Variants in SYT9 observed in about 807,000 individuals in gnomAD.
SYT9 encodes the protein synaptotagmin-9.
Under a neutral mutation model 48.4 loss-of-function variants are expected in SYT9, and 22 were observed. The ratio of observed to expected loss-of-function variants is 0.45; its 90% CI spans 0.32 to 0.65. The LOEUF is 0.65. Ranked by LOEUF, SYT9 falls within the 30% of genes least tolerant of loss-of-function variation. SYT9 has a pLI of 0.03. For missense variants in SYT9, 577 were observed against 622.0 expected, an observed-to-expected ratio of 0.93 and a Z score of 0.77; for synonymous variants, 265 against 245.0, an observed-to-expected ratio of 1.08 and a Z score of -0.76.
At chr11:7,399,951 A>G (rs1243412877) in intron 3 of SYT9, among the ~76,000 whole-genome samples, 1 of 152,224 alleles carries the variant, frequency 6.6e-6, no homozygotes. Flanking sequence ...GCTGGACTGG[A>G]TGATGACTGC....
chr11:7,371,343 C>CCA (rs777963083), intron 3 of SYT9, among the ~76,000 whole-genome samples: 12 of 151,990 alleles, frequency 7.9e-5, no homozygotes, highest in Non-Finnish European at 1.6e-4. Context: ...TAGACTATCT[C>CCA]CACTTACTCT....
In SYT9 at chr11:7,391,735, T is replaced by TAAAAAAAAAAAAAAAAAAAAAA. The variant is rs71059104; in HGVS notation, c.1045-24298_1045-24277dup. Among the ~76,000 whole-genome samples, 4 of 35,948 alleles carry TAAAAAAAAAAAAAAAAAAAAAA rather than the reference T, an allele frequency of 1.1e-4. 1 individual carries two copies. Among genetic ancestry groups the TAAAAAAAAAAAAAAAAAAAAAA allele is most frequent in the Admixed American group, 4.5e-4 (1 of 2,230 alleles). The allele number at this position is 35,948 out of a possible 152,430, so 23.6% of individuals were successfully genotyped here. On this transcript the variant is annotated intron_variant, in intron 3 of 6. Transcript: ENST00000318881. ...GGACAACATGGTAAAACCCCATCTC[T>TAAAAAAAAAAAAAAAAAAAAAA]AAAAAAAAAAAAAAAAAAAAAAAAA... is the stretch of plus-strand genomic sequence containing the variant.
intron 3 of SYT9, among the ~76,000 whole-genome samples, chr11:7,341,284 A>G (rs1357675829): frequency 6.6e-6 from 1 of 152,164 alleles, no homozygotes; most frequent in East Asian, 1.9e-4. Flanking sequence ...TGTAAGGGCT[A>G]CTGGAAGATG....
chr11:7,441,811 A>C (rs1424551076), intron 6 of SYT9: 1 of 152,120 alleles, frequency 6.6e-6, no homozygotes, highest in Non-Finnish European at 1.5e-5. Context: ...TGAAGCAGTC[A>C]CTGGCAAAAG....
At chr11:7,292,389 A>G (rs560115547) in intron 1 of SYT9, among the ~76,000 whole-genome samples, 3 of 152,232 alleles carry the variant, frequency 2.0e-5, no homozygotes, top group Non-Finnish European at 4.4e-5. Context: ...GACAGGTTTT[A>G]TACAGATGCA....
In SYT9 at chr11:7,383,275, A is replaced by T. The variant is rs147902351; in HGVS notation, c.1045-32767A>T. On this transcript the variant is annotated intron_variant, in intron 3 of 6. Coordinates refer to ENST00000318881, the MANE Select transcript of SYT9 (RefSeq NM_175733.4). The stretch of plus-strand genomic sequence containing the variant: ...TGGTTTCTTGCTGTTGCCTCTCACA[A>T]TGGTTTTTGCTTTAGAAAGAGGCTC... 8.5e-5 allele frequency among the ~76,000 whole-genome samples: 13 copies of T among 152,254 alleles called. 1 individual carries two copies. In the East Asian group the frequency reaches 2.5e-3, roughly 29 times the overall value.
At chr11:7,453,112 C>G (rs1054265231) in intron 6 of SYT9, among the ~76,000 whole-genome samples, 1 of 151,100 alleles carries the variant, frequency 6.6e-6, no homozygotes, top group Non-Finnish European at 1.5e-5. Context: ...AAAATGAGGC[C>G]GGGCACCGTG....
At chr11:7,388,660 A>C (rs7951293) in intron 3 of SYT9, among the ~76,000 whole-genome samples, 65,378 of 151,970 alleles carry the variant, frequency 0.43, 15,020 homozygotes, top group Non-Finnish European at 0.52. Context: ...AAATGTTTTG[A>C]AATTTATTAT....
At chr11:7,335,262 A>G (rs201196349) in intron 3 of SYT9, among the ~76,000 whole-genome samples, 6 of 127,564 alleles carry the variant, frequency 4.7e-5, no homozygotes, top group Admixed American at 7.4e-5. Flanking sequence ...TCTACCATCT[A>G]TTTATCTTTT....
chr11:7,364,485 G>A (rs1189323515), intron 3 of SYT9, among the ~76,000 whole-genome samples: 3 of 152,164 alleles, frequency 2.0e-5, no homozygotes, highest in Non-Finnish European at 2.9e-5. Flanking sequence ...TATAGATAAA[G>A]AAACAAATGT....
intron 3 of SYT9, among the ~76,000 whole-genome samples, chr11:7,350,881 C>A (rs1321840343): frequency 2.0e-5 from 3 of 152,140 alleles, no homozygotes; most frequent in African/African-American, 7.2e-5. Flanking sequence ...ATGTGTAAAA[C>A]AATTATTTAT....
upstream of SYT9, among the ~76,000 whole-genome samples, chr11:7,250,250 T>G (rs1267107143): frequency 6.6e-6 from 1 of 152,226 alleles, no homozygotes; most frequent in Non-Finnish European, 1.5e-5. Flanking sequence ...TGAAATGTTT[T>G]TCAAATTTGG....
chr11:7,446,262 C>T (rs755976912), intron 6 of SYT9, among the ~76,000 whole-genome samples: 3 of 152,206 alleles, frequency 2.0e-5, no homozygotes, highest in Admixed American at 6.5e-5. Flanking sequence ...AAGGACTGTA[C>T]AGTGAAGATT....
At chr11:7,405,062 C>G (rs1172167055) in intron 3 of SYT9, among the ~76,000 whole-genome samples, 1 of 145,500 alleles carries the variant, frequency 6.9e-6, no homozygotes, top group Non-Finnish European at 1.5e-5. Context: ...CTGTCAGTAA[C>G]ACTTCTTCAC....
At position 7,328,748 on chromosome 11, in the gene SYT9, AT is replaced by A. The variant is rs374448972; in HGVS notation, c.1044+14812del. Among the ~76,000 whole-genome samples the A allele has an allele frequency of 1.3e-3, 192 of 152,134 alleles. 6 individuals are homozygous for A. In the East Asian group the frequency reaches 0.033, roughly 26 times the overall value. On this transcript the variant is annotated intron_variant, in intron 3 of 6. Coordinates refer to ENST00000318881, the MANE Select transcript of SYT9 (RefSeq NM_175733.4). ...CTAGATTATTTTTTATGTTTAGTAC[AT>A]TTTTGAGAAATTCCTTCAGTTAAAG...
intron 6 of SYT9, among the ~76,000 whole-genome samples, chr11:7,448,855 A>G (rs758840350): frequency 4.4e-4 from 67 of 152,228 alleles, no homozygotes; most frequent in Non-Finnish European, 7.2e-4. Flanking sequence ...GTCATCACTA[A>G]GGATGAGAAG....
chr11:7,266,036 A>G (rs903284132), intron 1 of SYT9, among the ~76,000 whole-genome samples: 4 of 152,128 alleles, frequency 2.6e-5, no homozygotes, highest in Admixed American at 2.0e-4. Context: ...AGGAGGCCAC[A>G]TTAGAATCAC....
chr11:7,247,598 CGT>C (rs1491217991), upstream of SYT9, among the ~76,000 whole-genome samples: 3 of 142,356 alleles, frequency 2.1e-5, no homozygotes, highest in African/African-American at 7.8e-5. Context: ...TGTATATATA[CGT>C]ATATATACAT....
intron 6 of SYT9, chr11:7,457,726 C>G (rs1848173202): frequency 6.6e-6 from 1 of 152,156 alleles, no homozygotes; most frequent in African/African-American, 2.4e-5. Flanking sequence ...TCCCAGTCAT[C>G]ATCTCAGATG....
Sources: allele counts gnomAD v4.1 joint callset (sites outside exome capture counted in the v4.1 genomes callset), GRCh38; gene constraint gnomAD v4.1.1; transcripts MANE v1.5; gene names NCBI Gene and HGNC (gene_info 2026-07-23, HGNC 2026-07-21).